ATAD2B: variants seen among roughly 807,000 people sequenced by gnomAD.
The protein encoded by ATAD2B is ATPase family AAA domain containing 2B.
ATAD2B carries 40 observed loss-of-function variants against 167.6 expected under a neutral mutation model. The ratio of observed to expected loss-of-function variants is 0.24; its 90% confidence interval spans 0.19 to 0.31. The LOEUF is 0.31. Among genes scored for constraint, ATAD2B ranks in the 10% least tolerant of loss-of-function variants. ATAD2B has a pLI of 1.00. For missense variants in ATAD2B, 1,242 were observed against 1,757.2 expected (o/e 0.71, Z 5.24); for synonymous variants, 579 against 596.5 (o/e 0.97, Z 0.43).
At chr2:23,722,744 C>A in the ATAD2B span, among the ~76,000 whole-genome samples, 22,671 of 151,980 alleles carry the variant, frequency 0.15, 2,142 homozygotes, top group Non-Finnish European at 0.2. Flanking sequence ...CAAACAGATT[C>A]AACCCAAACA....
chr2:23,701,352 T>C, the ATAD2B span, among the ~76,000 whole-genome samples: 14 of 152,232 alleles, frequency 9.2e-5, no homozygotes, highest in African/African-American at 2.4e-4. Context: ...TTCCAGGACA[T>C]ACTCCATCCT....
At chr2:23,881,299 A>G (rs1697853812) in intron 6 of ATAD2B, among the ~76,000 whole-genome samples, 1 of 150,712 alleles carries the variant, frequency 6.6e-6, no homozygotes, top group African/African-American at 2.4e-5. Flanking sequence ...ATTGAGAGGG[A>G]GCATGAAACA....
At chr2:23,829,479 G>A (rs141494715) in intron 14 of ATAD2B, among the ~76,000 whole-genome samples, 1,643 of 152,302 alleles carry the variant, frequency 0.011, 17 homozygotes, top group Middle Eastern at 0.037. Context: ...TGCCAGTTGT[G>A]GTGGCTCACA....
the ATAD2B span, among the ~76,000 whole-genome samples, chr2:23,713,580 A>T: frequency 1.3e-5 from 2 of 149,924 alleles, no homozygotes; most frequent in East Asian, 3.9e-4. Context: ...ATTCTCCCCA[A>T]CCCCTAACCC....
At chr2:23,711,625 C>G in the ATAD2B span, among the ~76,000 whole-genome samples, 1 of 151,996 alleles carries the variant, frequency 6.6e-6, no homozygotes, top group Non-Finnish European at 1.5e-5. Flanking sequence ...CCCACCTCAC[C>G]CTCCCAAAAT....
At chr2:23,717,829 C>A in the ATAD2B span, among the ~76,000 whole-genome samples, 1 of 152,046 alleles carries the variant, frequency 6.6e-6, no homozygotes, top group African/African-American at 2.4e-5. Flanking sequence ...AATGAAAGAA[C>A]AATATAACCC....
the ATAD2B span, among the ~76,000 whole-genome samples, chr2:23,734,492 G>C: frequency 2.0e-5 from 3 of 152,116 alleles, no homozygotes; most frequent in South Asian, 4.1e-4. Flanking sequence ...AAAGAGGTTT[G>C]ACTGACTCAC....
At chr2:23,788,752 T>A in intron 19 of ATAD2B, 105 bp from the exon 20 acceptor site, 1 of 974,476 alleles carries the variant, frequency 1.0e-6, no homozygotes, top group Non-Finnish European at 1.5e-6. Flanking sequence ...ATGTTCAATA[T>A]TCATAGACCA....
At chr2:23,886,927 T>A (rs1336175975) in intron 4 of ATAD2B, among the ~76,000 whole-genome samples, 7 of 110,756 alleles carry the variant, frequency 6.3e-5, no homozygotes, top group Non-Finnish European at 1.0e-4. Context: ...CGAGACTCCA[T>A]CTCAAAAAAA....
chr2:23,878,025 A>AAAAAAAAAAAAAAAGAAAAG (rs1558713989), intron 7 of ATAD2B, among the ~76,000 whole-genome samples: 1 of 106,962 alleles, frequency 9.3e-6, no homozygotes, highest in Non-Finnish European at 2.1e-5. Context: ...AAAAAAAAAA[A>AAAAAAAAAAAAAAAGAAAAG]AAAAAAAAAA....
the ATAD2B span, among the ~76,000 whole-genome samples, chr2:23,741,958 C>T: frequency 1.3e-5 from 2 of 152,168 alleles, no homozygotes; most frequent in Non-Finnish European, 2.9e-5. Context: ...AAAAAATGCT[C>T]ATCATCACTG....
chr2:23,858,976 C>T (rs1003779907), intron 12 of ATAD2B, among the ~76,000 whole-genome samples: 1 of 151,936 alleles, frequency 6.6e-6, no homozygotes. Context: ...TATAATAAAT[C>T]CTAAAAGTAG....
At chr2:23,920,100 G>A (rs1213239749) in intron 1 of ATAD2B, among the ~76,000 whole-genome samples, 1 of 151,092 alleles carries the variant, frequency 6.6e-6, no homozygotes, top group African/African-American at 2.4e-5. Context: ...GCAGTGAGGC[G>A]ACATGGAGCC....
chr2:23,775,142 A>G (rs1235223557), intron 22 of ATAD2B, among the ~76,000 whole-genome samples: 1 of 152,118 alleles, frequency 6.6e-6, no homozygotes, highest in South Asian at 2.1e-4. Context: ...CTGGAAGGAA[A>G]TCAGAAAAAT....
downstream of ATAD2B, among the ~76,000 whole-genome samples, chr2:23,748,478 T>C (rs954021076): frequency 1.3e-5 from 2 of 152,142 alleles, no homozygotes; most frequent in Admixed American, 6.6e-5. Context: ...CCACGCTTTC[T>C]CAACATAAAA....
At chr2:23,736,885 A>G in the ATAD2B span, among the ~76,000 whole-genome samples, 1 of 152,226 alleles carries the variant, frequency 6.6e-6, no homozygotes, top group Non-Finnish European at 1.5e-5. Context: ...AGGTCACACC[A>G]GGAGATTATA....
At chr2:23,864,214 A>G (rs1694831979) in intron 11 of ATAD2B, among the ~76,000 whole-genome samples, 1 of 152,052 alleles carries the variant, frequency 6.6e-6, no homozygotes, top group Admixed American at 6.6e-5. Flanking sequence ...CATGTTGGCC[A>G]AGCTGGTCTC....
intron 17 of ATAD2B, among the ~76,000 whole-genome samples, chr2:23,816,372 G>GAAGA (rs1686456475): frequency 6.6e-6 from 1 of 152,056 alleles, no homozygotes; most frequent in Non-Finnish European, 1.5e-5. Flanking sequence ...GTTCATAAAA[G>GAAGA]AAGAAACTTG....
At chr2:23,909,463 C>CACAT (rs1169464231) in intron 1 of ATAD2B, among the ~76,000 whole-genome samples, 1 of 151,334 alleles carries the variant, frequency 6.6e-6, no homozygotes, top group Non-Finnish European at 1.5e-5. Flanking sequence ...CACACACACA[C>CACAT]ACATACATAT....
Sources: allele counts gnomAD v4.1 joint callset (sites outside exome capture counted in the v4.1 genomes callset), GRCh38; gene constraint gnomAD v4.1.1; transcripts MANE v1.5; gene names NCBI Gene and HGNC (gene_info 2026-07-23, HGNC 2026-07-21).